The following ENOX1 variants were observed in gnomAD, a reference collection of about 807,000 sequenced individuals.
The protein encoded by ENOX1 is ecto-NOX disulfide-thiol exchanger 1.
Under a neutral mutation model 82.5 loss-of-function variants are expected in ENOX1, and 42 were observed. That is an observed-to-expected ratio of 0.51 (90% CI 0.40 to 0.66). The LOEUF (loss-of-function observed/expected upper bound fraction) is 0.66, where lower values mean the gene tolerates loss of function less well. ENOX1 is among the 30% of genes least tolerant of loss of function. ENOX1 has a pLI of 0.00. For missense variants in ENOX1, 608 were observed against 811.6 expected (o/e 0.75, Z 3.05); for synonymous variants, 271 against 282.2 (o/e 0.96, Z 0.40).
At chr13:43,459,220 T>A (rs1191085701) in intron 3 of ENOX1, 2 of 152,206 alleles carry the variant, frequency 1.3e-5, no homozygotes, top group African/African-American at 4.8e-5. Context: ...ATTGACTGAA[T>A]TGCTGCATAG....
At chr13:43,679,869 T>G (rs974108591) in intron 1 of ENOX1, among the ~76,000 whole-genome samples, 1 of 152,222 alleles carries the variant, frequency 6.6e-6, no homozygotes, top group Non-Finnish European at 1.5e-5. Context: ...AAGATTAGCT[T>G]TCTTACTTCT....
At chr13:43,361,542 A>G (rs2050507159) in intron 5 of ENOX1, 90 bp from the exon 6 acceptor site, 1 of 1,214,362 alleles carries the variant, frequency 8.2e-7, no homozygotes, top group Non-Finnish European at 1.1e-6. Flanking sequence ...ATTTGACTTT[A>G]TACTTTCTAT....
intron 12 of ENOX1, among the ~76,000 whole-genome samples, chr13:43,292,098 G>A (rs922170964): frequency 6.6e-6 from 1 of 152,170 alleles, no homozygotes. Context: ...ATAAAAGAGA[G>A]AGACTGAAAC....
chr13:43,514,475 C>A (rs925702653), intron 2 of ENOX1, among the ~76,000 whole-genome samples: 2 of 152,032 alleles, frequency 1.3e-5, no homozygotes, highest in African/African-American at 4.8e-5. Context: ...TACTTGTAGC[C>A]AAACACATCA....
intron 5 of ENOX1, among the ~76,000 whole-genome samples, chr13:43,383,011 A>G (rs2052167141): frequency 6.6e-6 from 1 of 152,206 alleles, no homozygotes; most frequent in Admixed American, 6.5e-5. Context: ...TAGATCTCAA[A>G]TTAAACAAAC....
chr13:43,587,656 C>T (rs1307912704), intron 2 of ENOX1, among the ~76,000 whole-genome samples: 2 of 152,170 alleles, frequency 1.3e-5, no homozygotes, highest in Non-Finnish European at 2.9e-5. Context: ...GTCTAATGCA[C>T]TGACAGTATA....
intron 3 of ENOX1, among the ~76,000 whole-genome samples, chr13:43,477,162 CACAT>C (rs566384319): frequency 1.5e-3 from 214 of 141,074 alleles, no homozygotes; most frequent in African/African-American, 5.2e-3. Context: ...CATATATATA[CACAT>C]ACATATATAT....
chr13:43,284,053 T>C (rs924705920), intron 12 of ENOX1, among the ~76,000 whole-genome samples: 1 of 152,164 alleles, frequency 6.6e-6, no homozygotes, highest in Admixed American at 6.5e-5. Context: ...TCTTTTGACA[T>C]CTGTTGAGAT....
chr13:43,352,360 G>T (rs1352839122), intron 8 of ENOX1, among the ~76,000 whole-genome samples: 2 of 152,208 alleles, frequency 1.3e-5, no homozygotes, highest in East Asian at 3.8e-4. Context: ...ACTTTTAAAT[G>T]CTCTTGCCAA....
chr13:43,725,441 G>C (rs979428407), intron 1 of ENOX1, among the ~76,000 whole-genome samples: 2 of 152,076 alleles, frequency 1.3e-5, no homozygotes, highest in African/African-American at 4.8e-5. Context: ...TTGTTGTAAA[G>C]GGACTTAAAC....
chr13:43,236,647 G>T lies in ENOX1; in HGVS notation c.1703C>A (p.Ala568Asp). 6.3e-7 allele frequency: 1 copy of T among 1,575,658 alleles called. No homozygotes were observed. The change falls in exon 15 of 17, where the codon GCT becomes GAT. Residue 568 changes from alanine to aspartate, a missense_variant. Coordinates refer to ENST00000690772, the MANE Select transcript of ENOX1 (RefSeq NM_001347969.2). ...RSQGLKSEKEALLIGIISTFL... is the reference protein window; with the variant it reads ...RSQGLKSEKEDLLIGIISTFL... ...CAGAATTTCCTTACCTATTAGCAGAGCTTCTTTCTCTGATTTTAAGCCTTG... is the reference window on the plus strand; with the variant it reads ...CAGAATTTCCTTACCTATTAGCAGATCTTCTTTCTCTGATTTTAAGCCTTG...
chr13:43,762,658 C>T (rs1301768395), intron 1 of ENOX1, among the ~76,000 whole-genome samples: 1 of 152,162 alleles, frequency 6.6e-6, no homozygotes, highest in East Asian at 1.9e-4. Context: ...CAAGCACTCA[C>T]TCGGAATCCT....
chr13:43,562,414 T>C (rs1026671432), intron 2 of ENOX1, among the ~76,000 whole-genome samples: 2 of 151,838 alleles, frequency 1.3e-5, no homozygotes, highest in Non-Finnish European at 2.9e-5. Context: ...AATCAAAATA[T>C]ACCACCAGAA....
At chr13:43,218,964 T>A (rs2041638971) in intron 16 of ENOX1, among the ~76,000 whole-genome samples, 1 of 152,188 alleles carries the variant, frequency 6.6e-6, no homozygotes, top group African/African-American at 2.4e-5. Flanking sequence ...ATCCTTTGCC[T>A]TCCCACCAGT....
chr13:43,336,009 T>G (rs1442404243), intron 9 of ENOX1, among the ~76,000 whole-genome samples: 2 of 152,216 alleles, frequency 1.3e-5, no homozygotes, highest in Non-Finnish European at 2.9e-5. Context: ...ATCAGTACAA[T>G]TTTGAGGAGA....
At chr13:43,280,699 T>C (rs186904054) in intron 12 of ENOX1, among the ~76,000 whole-genome samples, 9 of 152,364 alleles carry the variant, frequency 5.9e-5, no homozygotes, top group African/African-American at 2.2e-4. Context: ...CTGATAATTG[T>C]AGAACTTTAG....
chr13:43,748,117 TATTACC>T (rs1950124616), intron 1 of ENOX1, among the ~76,000 whole-genome samples: 1 of 152,216 alleles, frequency 6.6e-6, no homozygotes, highest in South Asian at 2.1e-4. Flanking sequence ...GAAGCATGTA[TATTACC>T]ATAACACGAG....
chr13:43,763,862 T>C (rs1014673179), intron 1 of ENOX1, among the ~76,000 whole-genome samples: 1 of 152,218 alleles, frequency 6.6e-6, no homozygotes, highest in South Asian at 2.1e-4. Flanking sequence ...ATAATGCCTG[T>C]GGAACAACAT....
chr13:43,251,194 T>C (rs916704045), intron 14 of ENOX1, among the ~76,000 whole-genome samples: 3 of 152,162 alleles, frequency 2.0e-5, no homozygotes, highest in African/African-American at 4.8e-5. Context: ...AATAAGAAAG[T>C]TGGATGATGT....
Sources: allele counts gnomAD v4.1 joint callset (sites outside exome capture counted in the v4.1 genomes callset), GRCh38; gene constraint gnomAD v4.1.1; transcripts MANE v1.5; gene names NCBI Gene and HGNC (gene_info 2026-07-23, HGNC 2026-07-21).